Variants in SIAH1 observed in about 807,000 individuals in gnomAD.
SIAH1 encodes siah E3 ubiquitin protein ligase 1.
Under a neutral mutation model 20.0 loss-of-function variants are expected in SIAH1, and 2 were observed. The observed-to-expected ratio is 0.10, with a 90% CI of 0.04 to 0.31. The LOEUF is 0.31. Ranked by LOEUF, SIAH1 falls within the 10% of genes least tolerant of loss-of-function variation. The pLI is 1.00. For missense variants in SIAH1, 119 were observed against 355.3 expected (o/e 0.33, Z 5.35); for synonymous variants, 118 against 125.3 (o/e 0.94, Z 0.39).
intron 1 of SIAH1, chr16:48,363,195 T>G (rs1960674173): frequency 6.0e-6 from 1 of 166,958 alleles, no homozygotes. Flanking sequence ...AGAATCAGAG[T>G]ATCACCTTCC....
intron 1 of SIAH1, chr16:48,365,739 G>A: frequency 7.3e-7 from 1 of 1,376,090 alleles, no homozygotes; most frequent in Non-Finnish European, 9.4e-7. Flanking sequence ...CCTCCAATGT[G>A]CCCTAAGCTT....
chr16:48,374,972 T>A (rs969327598), intron 1 of SIAH1, among the ~76,000 whole-genome samples: 3 of 152,132 alleles, frequency 2.0e-5, no homozygotes, highest in African/African-American at 7.2e-5. Flanking sequence ...AACTGAAATC[T>A]AGAAACAATA....
intron 1 of SIAH1, among the ~76,000 whole-genome samples, chr16:48,372,026 GAAAA>G (rs553888332): frequency 6.6e-6 from 1 of 151,754 alleles, no homozygotes; most frequent in Non-Finnish European, 1.5e-5. Context: ...CACACACAGA[GAAAA>G]AAATTTTACA....
chr16:48,365,758 C>G, intron 1 of SIAH1: 1 of 1,349,010 alleles, frequency 7.4e-7, no homozygotes, highest in Non-Finnish European at 9.5e-7. Flanking sequence ...TTTCGTCTGT[C>G]TCCCAAGTTT....
intron 1 of SIAH1, among the ~76,000 whole-genome samples, chr16:48,384,353 G>C (rs1254902694): frequency 6.6e-6 from 1 of 152,128 alleles, no homozygotes; most frequent in Non-Finnish European, 1.5e-5. Flanking sequence ...AACAAATTAT[G>C]TATCTTTCCA....
At chr16:48,365,974 G>C (rs1960822247) in intron 1 of SIAH1, 1 of 1,104,066 alleles carries the variant, frequency 9.1e-7, no homozygotes, top group African/African-American at 1.6e-5. Context: ...CGGGGCGCCA[G>C]GGCCAGTTCA....
At chr16:48,363,015 C>T (rs1429145915) in intron 1 of SIAH1, 3 of 166,858 alleles carry the variant, frequency 1.8e-5, no homozygotes, top group African/African-American at 7.2e-5. Context: ...ATATTGTTTA[C>T]ATTGTATTAA....
intron 1 of SIAH1, among the ~76,000 whole-genome samples, chr16:48,374,541 G>C (rs1961056963): frequency 6.6e-6 from 1 of 152,134 alleles, no homozygotes; most frequent in Non-Finnish European, 1.5e-5. Context: ...CCAAGAAAAA[G>C]AACGGGGTTA....
chr16:48,386,386 A>G (rs1424086149), upstream of SIAH1, among the ~76,000 whole-genome samples: 1 of 152,138 alleles, frequency 6.6e-6, no homozygotes, highest in Non-Finnish European at 1.5e-5. Flanking sequence ...GCACGCCTGT[A>G]GTCCCAGCTA....
At chr16:48,369,616 G>T (rs1366582217) in intron 1 of SIAH1, among the ~76,000 whole-genome samples, 1 of 151,874 alleles carries the variant, frequency 6.6e-6, no homozygotes, top group Non-Finnish European at 1.5e-5. Flanking sequence ...GGTGGCATCC[G>T]CTGTAGAGCC....
In SIAH1 at chr16:48,362,522, G is replaced by T; in HGVS notation, c.-2-92C>A. On this transcript the variant is annotated intron_variant, in intron 1 of 1. Transcript: ENST00000394725. The surrounding 1 kb of genome is among the most constrained non-coding windows in gnomAD (Gnocchi z 4.2). ...TTTACATGCCATAAGTCCTTTTAAA[G>T]TTTCATACAAAATTTACTGAGCAAA... 7.6e-7 allele frequency: 1 copy of T among 1,307,942 alleles called. No individual in the cohort carries two copies. The highest frequency in any genetic ancestry group is 1.4e-5 in the South Asian group (1 of 71,942). The allele number at this position is 1,307,942 out of a possible 1,614,324, so 81.0% of individuals were successfully genotyped here.
intron 1 of SIAH1, among the ~76,000 whole-genome samples, chr16:48,376,449 C>G (rs1961111639): frequency 6.6e-6 from 1 of 152,048 alleles, no homozygotes; most frequent in Non-Finnish European, 1.5e-5. Context: ...TCACAAAAAA[C>G]TACATATTTT....
In SIAH1 at chr16:48,361,904, A is replaced by G; in HGVS notation, c.525T>C (p.Ala175=). ...FLATDINLPG[A]VDWVMMQSCF... ...AGGACTGCATCATCACCCAGTCAACAGCACCAGGAAGATTAATGTCTGTAG... is the reference window on the plus strand; with the variant it reads ...AGGACTGCATCATCACCCAGTCAACGGCACCAGGAAGATTAATGTCTGTAG... Residue 175 remains alanine (A), a synonymous_variant, in exon 2 of 2, where the codon GCT becomes GCC. Coordinates refer to ENST00000394725, the MANE Select transcript of SIAH1 (RefSeq NM_003031.4). 1 of 1,614,186 alleles carries G rather than the reference A, an allele frequency of 6.2e-7. No homozygotes were observed. Among genetic ancestry groups the G allele is most frequent in the Non-Finnish European group, 8.5e-7 (1 of 1,180,036 alleles).
intron 1 of SIAH1, among the ~76,000 whole-genome samples, chr16:48,366,868 AAAT>A (rs1960855700): frequency 6.6e-6 from 1 of 152,242 alleles, no homozygotes; most frequent in Non-Finnish European, 1.5e-5. Context: ...TTAGGAAAAG[AAAT>A]ATAATTGAAA....
In SIAH1 at chr16:48,361,540, GAA is replaced by G; in HGVS notation, c.*38_*39del. The G allele has an allele frequency of 6.3e-7, 1 of 1,594,774 alleles. No individual in the cohort carries two copies. Among genetic ancestry groups the G allele is most frequent in the Non-Finnish European group, 8.6e-7 (1 of 1,169,574 alleles). ...TGGGTGCCTTATTTTCTGTGAAACT[GAA>G]GTTTTAAACACTGGCCAGAAAATGT... On this transcript the variant is annotated 3_prime_UTR_variant, in exon 2 of 2. Coordinates refer to ENST00000394725, the MANE Select transcript of SIAH1 (RefSeq NM_003031.4).
upstream of SIAH1, among the ~76,000 whole-genome samples, chr16:48,385,986 G>C (rs954664394): frequency 2.6e-5 from 4 of 152,326 alleles, no homozygotes; most frequent in Middle Eastern, 3.4e-3. Context: ...AGCAACAGCG[G>C]GACGAGCTTC....
chr16:48,384,471 A>C (rs1961385631), intron 1 of SIAH1, among the ~76,000 whole-genome samples: 1 of 152,184 alleles, frequency 6.6e-6, no homozygotes, highest in Non-Finnish European at 1.5e-5. Context: ...CTACCCGGCA[A>C]ATGAACCCTA....
chr16:48,374,952 G>A (rs1961069043), intron 1 of SIAH1, among the ~76,000 whole-genome samples: 2 of 152,110 alleles, frequency 1.3e-5, no homozygotes. Flanking sequence ...AATCAACAAA[G>A]AAAGCCAAAA....
intron 1 of SIAH1, among the ~76,000 whole-genome samples, chr16:48,369,666 TG>T (rs1300766442): frequency 6.6e-6 from 1 of 152,170 alleles, no homozygotes; most frequent in Non-Finnish European, 1.5e-5. Context: ...CATCTGAGCC[TG>T]GGATGTAAAG....
Sources: gnomAD v4.1 joint callset for allele counts (sites outside exome capture counted in the v4.1 genomes callset) on GRCh38, gnomAD v4.1.1 for gene constraint, Gnocchi (gnomAD v3.1) non-coding constraint, MANE v1.5 for transcripts, NCBI Gene and HGNC (gene_info 2026-07-23, HGNC 2026-07-21) for gene names.